Variants in NEDD1 observed in about 807,000 individuals in gnomAD.
The protein encoded by NEDD1 is NEDD1 gamma-tubulin ring complex targeting factor.
NEDD1 carries 33 observed loss-of-function variants against 74.0 expected under a neutral mutation model. The ratio of observed to expected loss-of-function variants is 0.45; its 90% CI spans 0.34 to 0.60. NEDD1 has a LOEUF of 0.60. Among genes scored for constraint, NEDD1 ranks in the 20% least tolerant of loss-of-function variants. NEDD1 has a pLI of 0.01. For missense variants in NEDD1, 746 were observed against 776.5 expected (o/e 0.96, Z 0.47); for synonymous variants, 250 against 264.4 (o/e 0.95, Z 0.53).
Position 96,945,736 on chromosome 12 carries a change from A to G in NEDD1, c.1698A>G (p.Ser566=), listed in dbSNP as rs139753561. Residue 566 remains serine, a synonymous_variant, in exon 14 of 16, where the codon TCA becomes TCG. Coordinates refer to ENST00000266742, the MANE Select transcript of NEDD1 (RefSeq NM_152905.4). The part of the protein sequence containing the change: ...ASSVTAGVAS[S]LSEKIADSIG... The stretch of plus-strand genomic sequence containing the variant: ...CTGTCACTGCTGGAGTTGCCAGTTC[A>G]CTCTCAGAAAAAATAGCCGACAGCA... 7.0e-5 allele frequency: 112 copies of G among 1,606,164 alleles called. No homozygotes were observed. In the African/African-American group the frequency reaches 1.5e-3, roughly 21 times the overall value.
At chr12:96,937,481 C>A in intron 9 of NEDD1, 88 bp downstream of exon 9, 4 of 626,074 alleles carry the variant, frequency 6.4e-6, no homozygotes, top group Non-Finnish European at 1.1e-5. Flanking sequence ...GCACATTCTT[C>A]AAGAACATAG....
intron 2 of NEDD1, among the ~76,000 whole-genome samples, chr12:96,908,934 T>C (rs1359509573): frequency 1.3e-5 from 2 of 152,160 alleles, no homozygotes; most frequent in Non-Finnish European, 2.9e-5. Flanking sequence ...CCCAACACTT[T>C]GGGAGGCTGA....
intron 6 of NEDD1, among the ~76,000 whole-genome samples, chr12:96,932,890 A>G (rs1876697528): frequency 6.6e-6 from 1 of 151,984 alleles, no homozygotes; most frequent in African/African-American, 2.4e-5. Flanking sequence ...GTAGATGAGA[A>G]CGCTGAGTTT....
chr12:96,911,031 A>G (rs1037451674), intron 3 of NEDD1, among the ~76,000 whole-genome samples: 1 of 152,218 alleles, frequency 6.6e-6, no homozygotes, highest in African/African-American at 2.4e-5. Context: ...CCTCCTTATC[A>G]TTCCTTGATT....
At chr12:96,947,691 T>G (rs1299398949) in intron 14 of NEDD1, among the ~76,000 whole-genome samples, 2 of 152,228 alleles carry the variant, frequency 1.3e-5, no homozygotes, top group African/African-American at 4.8e-5. Flanking sequence ...GAAATCGCTG[T>G]GCATTTCTGC....
intron 4 of NEDD1, among the ~76,000 whole-genome samples, chr12:96,916,098 G>T (rs951425735): frequency 1.1e-4 from 16 of 152,062 alleles, no homozygotes; most frequent in Admixed American, 8.5e-4. Flanking sequence ...GGAATGGAAG[G>T]TCAGTATGGC....
intron 2 of NEDD1, among the ~76,000 whole-genome samples, chr12:96,908,959 C>G (rs1873611889): frequency 6.6e-6 from 1 of 151,948 alleles, no homozygotes; most frequent in South Asian, 2.1e-4. Context: ...GGCAGATCAC[C>G]TGAGGTCAGG....
intron 3 of NEDD1, among the ~76,000 whole-genome samples, chr12:96,910,499 C>T (rs555820167): frequency 5.3e-5 from 8 of 152,172 alleles, no homozygotes; most frequent in Non-Finnish European, 1.2e-4. Context: ...GACACCTTCC[C>T]TGTCTTGGTG....
chr12:96,907,695 A>G lies in NEDD1; in HGVS notation c.-170A>G, dbSNP rs1408796729. The stretch of plus-strand genomic sequence containing the variant: ...GGTGATTGAAAGTTGGAGAACTTTC[A>G]TTTCAGCTGAGTGGTGTAGTTGAAT... On this transcript the variant is annotated 5_prime_UTR_variant, in exon 2 of 16. Coordinates refer to ENST00000266742, the MANE Select transcript of NEDD1 (RefSeq NM_152905.4). 1.7e-5 allele frequency: 27 copies of G among 1,551,144 alleles called. No homozygotes were observed. In the East Asian group the frequency reaches 6.4e-4, roughly 36 times the overall value.
At chr12:96,926,525 G>A (rs1406224840) in intron 6 of NEDD1, among the ~76,000 whole-genome samples, 1 of 151,272 alleles carries the variant, frequency 6.6e-6, no homozygotes, top group African/African-American at 2.4e-5. Context: ...TTCCTTTTAT[G>A]GGCAGCATAA....
intron 4 of NEDD1, 40 bp from the exon 5 acceptor site, chr12:96,917,581 C>T (rs751321635): frequency 2.0e-6 from 3 of 1,478,018 alleles, no homozygotes; most frequent in Non-Finnish European, 1.8e-6. Context: ...GCTCTGGGCT[C>T]TGTTAAATTA....
At chr12:96,942,806 C>T (rs1287057844) in intron 11 of NEDD1, among the ~76,000 whole-genome samples, 182 bp downstream of exon 11, 6 of 152,076 alleles carry the variant, frequency 3.9e-5, no homozygotes, top group Admixed American at 2.0e-4. Context: ...GTCTATCTTC[C>T]TGCTTCAATC....
At chr12:96,945,899 T>G in intron 14 of NEDD1, 50 bp downstream of exon 14, 1 of 1,219,668 alleles carries the variant, frequency 8.2e-7, no homozygotes, top group Non-Finnish European at 1.2e-6. Context: ...TTGTTTTTTT[T>G]TTAGATGTAA....
In NEDD1 at chr12:96,951,457, A is replaced by G; in HGVS notation, c.1837A>G (p.Asn613Asp). ...AGAAGCATGCCATAGGGACATTGTG[A>G]ATTTGCAAGTGGAGATGATTAAACA... Reference protein sequence around the residue: ...FREACHRDIVNLQVEMIKQFH... With the variant: ...FREACHRDIVDLQVEMIKQFH... Residue 613 changes from asparagine (N) to aspartate (D), a missense_variant, in exon 15 of 16, where the codon AAT becomes GAT. Transcript: ENST00000266742. 1 of 1,577,340 alleles carries G rather than the reference A, an allele frequency of 6.3e-7. No homozygotes were observed. Among genetic ancestry groups the G allele is most frequent in the Non-Finnish European group, 8.7e-7 (1 of 1,150,660 alleles).
chr12:96,953,232 A>G lies in NEDD1; in HGVS notation c.*1179A>G, dbSNP rs1049549290. The stretch of plus-strand genomic sequence containing the variant: ...ATTAAAAAAAAAAAAACAAAAAACA[A>G]ACCTTTAGCTCACTAACTTTATGGG... On this transcript the variant is annotated 3_prime_UTR_variant, in exon 16 of 16. Transcript: ENST00000266742. 6.6e-6 allele frequency: 1 copy of G among 151,394 alleles called. No homozygotes were observed. The highest frequency in any genetic ancestry group is 1.5e-5 in the Non-Finnish European group (1 of 67,608). The allele number at this position is 151,394 out of a possible 1,614,324, so 9.4% of individuals were successfully genotyped here.
chr12:96,931,709 G>T (rs1876488175), intron 6 of NEDD1, among the ~76,000 whole-genome samples: 1 of 152,070 alleles, frequency 6.6e-6, no homozygotes, highest in Non-Finnish European at 1.5e-5. Flanking sequence ...ATCTTAAACA[G>T]CTATTAAAAT....
intron 10 of NEDD1, among the ~76,000 whole-genome samples, chr12:96,941,987 T>C (rs1045415485): frequency 2.0e-5 from 3 of 152,140 alleles, no homozygotes; most frequent in African/African-American, 7.2e-5. Context: ...TTAATGACTT[T>C]GGCTCATTTT....
chr12:96,931,142 A>G (rs1248986202), intron 6 of NEDD1, among the ~76,000 whole-genome samples: 4 of 152,156 alleles, frequency 2.6e-5, no homozygotes, highest in African/African-American at 9.7e-5. Context: ...ATGGCCATAT[A>G]TATGTGTGTA....
At chr12:96,922,599 C>A (rs1449492003) in intron 6 of NEDD1, among the ~76,000 whole-genome samples, 1 of 152,104 alleles carries the variant, frequency 6.6e-6, no homozygotes. Context: ...TTGACTATAC[C>A]TTTTGGCCTA....
Sources: gnomAD v4.1 joint callset for allele counts (sites outside exome capture counted in the v4.1 genomes callset) on GRCh38, gnomAD v4.1.1 for gene constraint, MANE v1.5 for transcripts, NCBI Gene and HGNC (gene_info 2026-07-23, HGNC 2026-07-21) for gene names.